Variants in ADAM8 observed in about 807,000 individuals in gnomAD.
ADAM8 encodes the protein disintegrin and metalloproteinase domain-containing protein 8.
Under a neutral mutation model 102.4 loss-of-function variants are expected in ADAM8, and 104 were observed. The observed-to-expected ratio is 1.02, with a 90% CI of 0.87 to 1.20. The LOEUF (loss-of-function observed/expected upper bound fraction) is 1.20. Among genes scored for constraint, ADAM8 ranks in the 50% most tolerant of loss-of-function variants. The pLI, the probability that ADAM8 is intolerant of heterozygous loss-of-function variation, is 0.00. For missense variants in ADAM8, 1,132 were observed against 1,159.0 expected, an observed-to-expected ratio of 0.98 and a Z score of 0.34; for synonymous variants, 517 against 485.2, an observed-to-expected ratio of 1.07 and a Z score of -0.86.
chr10:133,267,470 T>G, intron 20 of ADAM8, 53 bp from the exon 21 acceptor site: 1 of 1,513,106 alleles, frequency 6.6e-7, no homozygotes. Flanking sequence ...CCCGTGCCCC[T>G]CCAGCACCCC....
At chr10:133,272,089 T>C (rs760398702) in intron 10 of ADAM8, 104 bp downstream of exon 10, 1 of 1,501,716 alleles carries the variant, frequency 6.7e-7, no homozygotes, top group South Asian at 1.2e-5. Flanking sequence ...GCATTAAACC[T>C]GGCCTGAGGG....
rs1417906676 is a variant in ADAM8 at position 133,274,191 on chromosome 10, C to A, written c.195G>T (p.Gly65=). Residue 65 remains glycine (G), a synonymous_variant, in exon 3 of 23, where the codon GGG becomes GGT. Coordinates refer to ENST00000445355, the MANE Select transcript of ADAM8 (RefSeq NM_001109.5). ...TCCGCAGGTGGAGGGTGAAGTTGTG[C>A]CCTGTGGCCCCAAGGACGTAGCTCA... is the stretch of plus-strand genomic sequence containing the variant. ...ERVSYVLGAT[G]HNFTLHLRKN... 6.3e-7 allele frequency: 1 copy of A among 1,587,820 alleles called. No individual in the cohort carries two copies. The highest frequency in any genetic ancestry group is 1.1e-5 in the South Asian group (1 of 87,618).
rs1267651062 is a variant in ADAM8, at chr10:133,276,798, C to T, written c.20G>A (p.Trp7Ter). 1.5e-5 allele frequency: 23 copies of T among 1,532,522 alleles called. No homozygotes were observed. Among genetic ancestry groups the T allele is most frequent in the Non-Finnish European group, 1.8e-5 (20 of 1,142,200 alleles). The allele number at this position is 1,532,522 out of a possible 1,614,324, so 94.9% of individuals were successfully genotyped here. MRGLGL[W>*]LLGAMMLPAI... is the part of the protein sequence containing the mutation. ...AGGCAGCATCATCGCGCCCAGCAGC[C>T]AGAGCCCGAGGCCGCGCATGGCCGG... Residue 7 changes from tryptophan to a stop codon, truncating the protein, a stop_gained, in exon 1 of 23, where the codon TGG becomes TAG. Transcript: ENST00000445355. LOFTEE classifies it high-confidence loss of function.
At chr10:133,264,203 A>G (rs1351370134) in intron 21 of ADAM8, among the ~76,000 whole-genome samples, 1 of 151,948 alleles carries the variant, frequency 6.6e-6, no homozygotes, top group Non-Finnish European at 1.5e-5. Context: ...CTGGGACGAC[A>G]GGCACAAGCC....
At chr10:133,263,266 A>G (rs1234189083) in intron 22 of ADAM8, 33 bp from the exon 23 acceptor site, 1 of 1,561,630 alleles carries the variant, frequency 6.4e-7, no homozygotes, top group South Asian at 1.2e-5. Flanking sequence ...GATGTTGAAA[A>G]ACTACCTGCT....
rs760274605 is a variant in ADAM8, at chr10:133,272,902, A to AC, written c.637-37dup. ...GAGACCCTCAGGCTGGAGCCCACAC[A>AC]CCCCCCATGCCCCCGCCGCCGGCTG... On this transcript the variant is annotated intron_variant, in intron 7 of 22. Transcript: ENST00000445355. 3.9e-5 allele frequency: 63 copies of AC among 1,608,142 alleles called. No homozygotes were observed. The African/African-American group carries it at 4.0e-4, about 10-fold the overall frequency.
Position 133,271,895 on chromosome 10 carries a change from G to C in ADAM8, c.1017C>G (p.Asn339Lys), listed in dbSNP as rs1025467237. 1 of 1,612,532 alleles carries C rather than the reference G, an allele frequency of 6.2e-7. No homozygotes were observed. Among genetic ancestry groups the C allele is most frequent in the African/African-American group, 1.3e-5 (1 of 74,950 alleles). Reference protein sequence around the residue: ...ACTMAHEMGHNLGMDHDENVQ... With the variant: ...ACTMAHEMGHKLGMDHDENVQ... ...CGTTCTCATCATGGTCCATGCCCAG[G>C]TTGTGGCCCATCTCATGGGCCATGG... The change falls in exon 11 of 23, where the codon AAC (asparagine) becomes AAG (lysine). Residue 339 changes from asparagine (N) to lysine (K), a missense_variant. Transcript: ENST00000445355.
chr10:133,272,132 C>A (rs750557210), intron 10 of ADAM8, 61 bp downstream of exon 10: 1 of 1,519,612 alleles, frequency 6.6e-7, no homozygotes, highest in Admixed American at 2.0e-5. Context: ...TGGACCGAGG[C>A]GTCCCCTCCC....
intron 19 of ADAM8, among the ~76,000 whole-genome samples, 154 bp downstream of exon 19, chr10:133,268,594 C>T (rs1247165572): frequency 1.3e-5 from 2 of 152,226 alleles, no homozygotes; most frequent in Non-Finnish European, 2.9e-5. Context: ...GCCCTTCAAA[C>T]TCAGCCCAAG....
Position 133,272,874 on chromosome 10 carries a change from C to A in ADAM8, c.637-8G>T. ...GCTCCCCAGCATCTGGAACTGGGGA[C>A]ACGAGACCCTCAGGCTGGAGCCCAC... On this transcript the variant is annotated splice_region_variant and splice_polypyrimidine_tract_variant and intron_variant, in intron 7 of 22. Transcript: ENST00000445355. 2 of 1,611,424 alleles carry A rather than the reference C, an allele frequency of 1.2e-6. No homozygotes were observed. The highest frequency in any genetic ancestry group is 1.7e-6 in the Non-Finnish European group (2 of 1,178,848).
At position 133,272,883 on chromosome 10, in the gene ADAM8, C is replaced by T. The variant is rs1300598852; in HGVS notation, c.637-17G>A. 7 of 1,611,080 alleles carry T rather than the reference C, an allele frequency of 4.3e-6. No homozygotes were observed. The East Asian group carries it at 1.6e-4, about 36-fold the overall frequency. ...CATCTGGAACTGGGGACACGAGACC[C>T]TCAGGCTGGAGCCCACACACCCCCC... On this transcript the variant is annotated splice_polypyrimidine_tract_variant and intron_variant, in intron 7 of 22. Transcript: ENST00000445355.
rs374059974 is a variant in ADAM8, at chr10:133,271,539, C to T, written c.1273G>A (p.Gly425Ser). ...FVERGEQCDC[G>S]PPEDCRNRCC... is the part of the protein sequence containing the mutation. ...GGGCATGGACGCACCTCGGGGGGGC[C>T]GCAGTCGCACTGCTCCCCACGCTCC... Residue 425 changes from glycine (G) to serine (S), a missense_variant, in exon 12 of 23, where the codon GGC (glycine) becomes AGC (serine). Coordinates refer to ENST00000445355, the MANE Select transcript of ADAM8 (RefSeq NM_001109.5). The T allele has an allele frequency of 5.1e-6, 8 of 1,554,852 alleles. No homozygotes were observed. The South Asian group carries it at 9.5e-5, about 18-fold the overall frequency.
In ADAM8 at chr10:133,274,195, G is replaced by A. The variant is rs757363133; in HGVS notation, c.191C>T (p.Thr64Ile). The A allele has an allele frequency of 1.9e-6, 3 of 1,588,084 alleles. No individual in the cohort carries two copies. The highest frequency in any genetic ancestry group is 2.6e-6 in the Non-Finnish European group (3 of 1,166,722). Residue 64 changes from threonine to isoleucine, a missense_variant, in exon 3 of 23, where the codon ACA becomes ATA. Transcript: ENST00000445355. ...PERVSYVLGA[T>I]GHNFTLHLRK... ...CAGGTGGAGGGTGAAGTTGTGCCCTGTGGCCCCAAGGACGTAGCTCACCCT... is the reference window on the plus strand; with the variant it reads ...CAGGTGGAGGGTGAAGTTGTGCCCTATGGCCCCAAGGACGTAGCTCACCCT...
chr10:133,270,325 T>TG (rs71474727), intron 16 of ADAM8, 35 bp downstream of exon 16: 1 of 1,559,806 alleles, frequency 6.4e-7, no homozygotes, highest in South Asian at 1.2e-5. Context: ...CCGGGATGCC[T>TG]GGGGGGTGGC....
At chr10:133,263,638 G>A (rs375444499) in intron 22 of ADAM8, 50 bp downstream of exon 22, 4 of 1,481,136 alleles carry the variant, frequency 2.7e-6, no homozygotes, top group Non-Finnish European at 2.7e-6. Context: ...TGGGGAGGCC[G>A]TGCCGTCCAT....
chr10:133,263,195 G>T lies in ADAM8; in HGVS notation c.2436C>A (p.Ile812=). 6.2e-7 allele frequency: 1 copy of T among 1,613,392 alleles called. No homozygotes were observed. The highest frequency in any genetic ancestry group is 8.5e-7 in the Non-Finnish European group (1 of 1,179,490). The change falls in exon 23 of 23, where the codon ATC becomes ATA. Residue 812 remains isoleucine (I), a synonymous_variant. Transcript: ENST00000445355. ...VGPKVALKPP[I]QRKQGAGAPT... ...GAGCTCCGGCTCCTTGCTTCCTCTGGATGGGGGGCTTCAGGGCAACCTTTG... is the reference window on the plus strand; with the variant it reads ...GAGCTCCGGCTCCTTGCTTCCTCTGTATGGGGGGCTTCAGGGCAACCTTTG...
At chr10:133,271,175 G>T (rs769437211) in intron 13 of ADAM8, 25 bp downstream of exon 13, 2 of 1,605,236 alleles carry the variant, frequency 1.2e-6, no homozygotes, top group Admixed American at 1.7e-5. Context: ...GGCTCTGGGG[G>T]TCACTGGTGG....
At chr10:133,274,109 G>C in intron 3 of ADAM8, 50 bp downstream of exon 3, 1 of 1,585,420 alleles carries the variant, frequency 6.3e-7, no homozygotes, top group Non-Finnish European at 8.6e-7. Flanking sequence ...GGGGACACCA[G>C]TGTGCTGGAG....
intron 15 of ADAM8, 52 bp from the exon 16 acceptor site, chr10:133,270,562 A>G: frequency 6.4e-7 from 1 of 1,560,346 alleles, no homozygotes; most frequent in Non-Finnish European, 8.7e-7. Context: ...CATGCTGGGG[A>G]GCCCAGGAGC....
Sources: gnomAD v4.1 joint callset for allele counts (sites outside exome capture counted in the v4.1 genomes callset) on GRCh38, gnomAD v4.1.1 for gene constraint, MANE v1.5 for transcripts, NCBI Gene and HGNC (gene_info 2026-07-23, HGNC 2026-07-21) for gene names.